ARFGEF2: variants seen among roughly 807,000 people sequenced by gnomAD.
ARFGEF2 encodes brefeldin A-inhibited guanine nucleotide-exchange protein 2.
In ARFGEF2, 74 loss-of-function variants were observed where a neutral mutation model predicts 219.9. The ratio of observed to expected loss-of-function variants is 0.34; its 90% CI spans 0.28 to 0.41. The LOEUF is 0.41. Among genes scored for constraint, ARFGEF2 ranks in the 10% least tolerant of loss-of-function variants. ARFGEF2 has a pLI of 1.00. For synonymous variants in ARFGEF2, 733 were observed against 799.2 expected, an observed-to-expected ratio of 0.92 and a Z score of 1.40; for missense variants, 1,743 against 2,218.3, an observed-to-expected ratio of 0.79 and a Z score of 4.30.
intron 23 of ARFGEF2, among the ~76,000 whole-genome samples, chr20:48,997,910 T>G (rs913783822): frequency 7.9e-5 from 12 of 152,150 alleles, no homozygotes; most frequent in Non-Finnish European, 1.8e-4. Flanking sequence ...CAGGCTGGAG[T>G]GCAGTGGCGC....
intron 1 of ARFGEF2, among the ~76,000 whole-genome samples, chr20:48,924,490 C>T (rs958203303): frequency 5.8e-5 from 7 of 120,202 alleles, no homozygotes; most frequent in Admixed American, 2.3e-4. Flanking sequence ...CCAGCCTGGG[C>T]GACAAAACAA....
At chr20:49,031,917 C>CAA (rs3091900) in intron 37 of ARFGEF2, 132 bp from the exon 38 acceptor site, 125 of 688,840 alleles carry the variant, frequency 1.8e-4, no homozygotes, top group Middle Eastern at 6.5e-4. Context: ...GACCCTGTCT[C>CAA]AAAAAAAAAA....
rs2091322964 is a variant in ARFGEF2, at chr20:48,985,693, A to G, written c.2276+80A>G. 6.4e-6 allele frequency: 9 copies of G among 1,399,522 alleles called. No homozygotes were observed. The South Asian group carries it at 9.7e-5, about 15-fold the overall frequency. The allele number at this position is 1,399,522 out of a possible 1,614,324, so 86.7% of individuals were successfully genotyped here. A position where few individuals can be genotyped will look rare whatever the true frequency, so the allele number is the denominator to read the frequency against. ...CTAATTCTAATTTGGTTGGGGTTTAATCTTTGTATATCTGTGCCAAGCAAC... is the reference window on the plus strand; with the variant it reads ...CTAATTCTAATTTGGTTGGGGTTTAGTCTTTGTATATCTGTGCCAAGCAAC... On this transcript the variant is annotated intron_variant, in intron 16 of 38. Coordinates refer to ENST00000371917, the MANE Select transcript of ARFGEF2 (RefSeq NM_006420.3).
chr20:48,999,417 T>C (rs2091410966), intron 25 of ARFGEF2, among the ~76,000 whole-genome samples: 1 of 151,838 alleles, frequency 6.6e-6, no homozygotes, highest in African/African-American at 2.4e-5. Flanking sequence ...AGATATGTGT[T>C]TTATCACGGC....
intron 14 of ARFGEF2, among the ~76,000 whole-genome samples, chr20:48,977,098 G>A (rs2091266974): frequency 1.3e-5 from 2 of 151,926 alleles, no homozygotes; most frequent in African/African-American, 4.8e-5. Flanking sequence ...ATTTACATTA[G>A]GTATTACTCC....
intron 35 of ARFGEF2, among the ~76,000 whole-genome samples, chr20:49,023,740 G>A (rs1258480493): frequency 1.3e-5 from 2 of 150,534 alleles, no homozygotes; most frequent in African/African-American, 2.4e-5. Flanking sequence ...GGGTTTCACC[G>A]TGTTAGCCAG....
At chr20:48,947,035 G>A (rs1692186631) in intron 3 of ARFGEF2, among the ~76,000 whole-genome samples, 1 of 152,156 alleles carries the variant, frequency 6.6e-6, no homozygotes, top group Middle Eastern at 3.4e-3. Context: ...TCGAACTCCT[G>A]GCCTCAAGTG....
chr20:49,004,937 TTTC>T, intron 25 of ARFGEF2, 130 bp from the exon 26 acceptor site: 1 of 1,006,302 alleles, frequency 9.9e-7, no homozygotes, highest in East Asian at 2.4e-5. Flanking sequence ...GAAATAGCAT[TTTC>T]TTTTCTCCTT....
chr20:48,985,710 C>T, intron 16 of ARFGEF2, 97 bp downstream of exon 16: 1 of 1,299,690 alleles, frequency 7.7e-7, no homozygotes. Flanking sequence ...TATATCTGTG[C>T]CAAGCAACTG....
intron 1 of ARFGEF2, among the ~76,000 whole-genome samples, chr20:48,923,640 G>T (rs1038949513): frequency 1.3e-5 from 2 of 152,220 alleles, no homozygotes; most frequent in Non-Finnish European, 2.9e-5. Flanking sequence ...TTAGGCAAGA[G>T]CCTGGTATTT....
chr20:49,025,426 A>G lies in ARFGEF2; in HGVS notation c.4869A>G (p.Ser1623=), dbSNP rs1029991559. 1.9e-6 allele frequency: 3 copies of G among 1,614,066 alleles called. No individual in the cohort carries two copies. The highest frequency in any genetic ancestry group is 2.7e-5 in the African/African-American group (2 of 74,924). The part of the protein sequence containing the change: ...KLLDCLQESH[S]FSKAFNSNYE... Reference sequence around the variant, plus strand: ...TGGACTGTTTGCAGGAATCCCATTCATTCTCAAAGGCCTTCAACTCCAATT... The same window carrying G: ...TGGACTGTTTGCAGGAATCCCATTCGTTCTCAAAGGCCTTCAACTCCAATT... Residue 1623 remains serine, a synonymous_variant, in exon 36 of 39, where the codon TCA becomes TCG. Transcript: ENST00000371917.
intron 31 of ARFGEF2, 120 bp downstream of exon 31, chr20:49,016,535 G>A (rs1226528278): frequency 1.6e-5 from 19 of 1,154,984 alleles, no homozygotes; most frequent in Non-Finnish European, 2.4e-5. Context: ...TTTAGTTGGT[G>A]AAATGTATAC....
chr20:48,969,469 TC>T (rs2091211918), intron 9 of ARFGEF2, among the ~76,000 whole-genome samples, 192 bp downstream of exon 9: 1 of 152,254 alleles, frequency 6.6e-6, no homozygotes, highest in Non-Finnish European at 1.5e-5. Context: ...TGTCTCTGTA[TC>T]CCCACCAACC....
chr20:49,007,708 C>CT (rs1016842290), intron 26 of ARFGEF2, among the ~76,000 whole-genome samples: 1 of 149,336 alleles, frequency 6.7e-6, no homozygotes, highest in African/African-American at 2.5e-5. Context: ...ACATGTCTCT[C>CT]TTTCTCCTAG....
At chr20:48,944,392 C>T (rs1392202922) in intron 3 of ARFGEF2, among the ~76,000 whole-genome samples, 1 of 152,232 alleles carries the variant, frequency 6.6e-6, no homozygotes, top group Admixed American at 6.5e-5. Context: ...TTCACCGTAC[C>T]GTGTGTAGTC....
intron 37 of ARFGEF2, 101 bp from the exon 38 acceptor site, chr20:49,031,948 T>A: frequency 1.0e-6 from 1 of 966,468 alleles, no homozygotes; most frequent in Admixed American, 1.9e-5. Context: ...AAAAAACATG[T>A]TAAAATAATT....
chr20:48,927,645 G>A (rs1490950276), intron 1 of ARFGEF2, among the ~76,000 whole-genome samples: 1 of 151,160 alleles, frequency 6.6e-6, no homozygotes, highest in African/African-American at 2.4e-5. Context: ...CCAAGATGGC[G>A]CCACTGCACT....
chr20:49,026,056 T>C (rs1485286321), intron 36 of ARFGEF2, among the ~76,000 whole-genome samples: 1 of 151,178 alleles, frequency 6.6e-6, no homozygotes, highest in African/African-American at 2.4e-5. Context: ...TTTTATGGGC[T>C]GGGTGCGGTG....
At chr20:49,004,718 G>A (rs1201533774) in intron 25 of ARFGEF2, among the ~76,000 whole-genome samples, 4 of 150,894 alleles carry the variant, frequency 2.7e-5, no homozygotes, top group Admixed American at 2.6e-4. Flanking sequence ...CTTGAACCGG[G>A]GAGATGGAGG....
Sources: allele counts gnomAD v4.1 joint callset (sites outside exome capture counted in the v4.1 genomes callset), GRCh38; gene constraint gnomAD v4.1.1; transcripts MANE v1.5; gene names NCBI Gene and HGNC (gene_info 2026-07-23, HGNC 2026-07-21).